The following ZNF365 variants were observed in gnomAD, a reference collection of about 807,000 sequenced individuals.
ZNF365 encodes the protein protein ZNF365.
Under a neutral mutation model 35.0 loss-of-function variants are expected in ZNF365, and 22 were observed. The observed-to-expected ratio is 0.63, with a 90% CI of 0.45 to 0.90. The LOEUF is 0.90. ZNF365 is among the 40% of genes least tolerant of loss of function. The probability of loss-of-function intolerance (pLI) is 0.00; values close to 1 mark genes in which losing one functional copy is unlikely to be tolerated. For synonymous variants in ZNF365, 188 were observed against 196.2 expected (o/e 0.96, Z 0.35); for missense variants, 448 against 500.3 (o/e 0.90, Z 1.00).
chr10:62,397,065 G>A (rs1291150891), intron 3 of ZNF365, among the ~76,000 whole-genome samples: 1 of 152,216 alleles, frequency 6.6e-6, no homozygotes, highest in Non-Finnish European at 1.5e-5. Flanking sequence ...TACCAGCCTG[G>A]CGTTTGCCGG....
At chr10:62,384,155 G>C (rs1178712981) in intron 2 of ZNF365, among the ~76,000 whole-genome samples, 3 of 149,692 alleles carry the variant, frequency 2.0e-5, no homozygotes. Flanking sequence ...GGGGCCGGAA[G>C]TGGCTTAGAA....
At chr10:62,448,554 T>C (rs1471385368) in intron 3 of ZNF365, among the ~76,000 whole-genome samples, 1 of 152,208 alleles carries the variant, frequency 6.6e-6, no homozygotes, top group Non-Finnish European at 1.5e-5. Context: ...TTGGAGTGTT[T>C]TTTTACTTGC....
intron 3 of ZNF365, among the ~76,000 whole-genome samples, chr10:62,442,045 C>T (rs777004416): frequency 4.6e-5 from 7 of 152,162 alleles, no homozygotes; most frequent in Non-Finnish European, 1.0e-4. Flanking sequence ...GCTTAGCAAA[C>T]GTGATCCCCA....
intron 3 of ZNF365, among the ~76,000 whole-genome samples, chr10:62,450,891 TAA>T (rs1347748837): frequency 1.3e-5 from 2 of 152,214 alleles, no homozygotes; most frequent in African/African-American, 4.8e-5. Context: ...TCCCCTGACA[TAA>T]AGTTTATTTT....
At chr10:62,443,875 A>G (rs1564591831) in intron 3 of ZNF365, among the ~76,000 whole-genome samples, 1 of 152,166 alleles carries the variant, frequency 6.6e-6, no homozygotes. Flanking sequence ...AAATTAAGCC[A>G]GGCCTCTCCA....
chr10:62,472,145 G>C (rs77175243), intron 4 of ZNF365, among the ~76,000 whole-genome samples: 1 of 152,200 alleles, frequency 6.6e-6, no homozygotes. Flanking sequence ...CGTTTTCCAA[G>C]TGGTGCCCTT....
chr10:62,430,799 C>T (rs191740163), intron 3 of ZNF365, among the ~76,000 whole-genome samples: 265 of 152,240 alleles, frequency 1.7e-3, no homozygotes, highest in Admixed American at 9.2e-3. Flanking sequence ...GGTGGAATTT[C>T]TTTCGTTATT....
chr10:62,466,714 A>G (rs900080423), intron 4 of ZNF365, among the ~76,000 whole-genome samples: 4 of 151,362 alleles, frequency 2.6e-5, no homozygotes, highest in African/African-American at 9.7e-5. Context: ...TTTTTTCTTA[A>G]TCACCAACAT....
intron 3 of ZNF365, among the ~76,000 whole-genome samples, chr10:62,451,678 C>G (rs975732715): frequency 5.9e-5 from 9 of 152,200 alleles, no homozygotes; most frequent in African/African-American, 2.2e-4. Flanking sequence ...CTACAGTTCA[C>G]TAGTGGTTAC....
At chr10:62,472,930 G>T (rs1399095803) in intron 4 of ZNF365, among the ~76,000 whole-genome samples, 3 of 152,146 alleles carry the variant, frequency 2.0e-5, no homozygotes, top group Non-Finnish European at 4.4e-5. Context: ...TCCTCAGCTG[G>T]TTGCCTAGTG....
At chr10:62,447,388 C>G (rs756810082) in intron 3 of ZNF365, among the ~76,000 whole-genome samples, 13 of 152,132 alleles carry the variant, frequency 8.5e-5, no homozygotes, top group African/African-American at 1.4e-4. Context: ...ACTCTTAAAC[C>G]AGGATCTAGC....
intron 3 of ZNF365, among the ~76,000 whole-genome samples, chr10:62,443,734 C>T (rs552885504): frequency 6.6e-6 from 1 of 152,260 alleles, no homozygotes; most frequent in South Asian, 2.1e-4. Flanking sequence ...AACTTCTGTG[C>T]TCAGAACCCC....
intron 4 of ZNF365, among the ~76,000 whole-genome samples, chr10:62,477,273 A>T (rs1317308519): frequency 2.0e-5 from 3 of 152,202 alleles, no homozygotes; most frequent in African/African-American, 7.2e-5. Flanking sequence ...ATGAAAAGAG[A>T]CTGACATCTT....
intron 3 of ZNF365, among the ~76,000 whole-genome samples, chr10:62,428,838 G>A (rs1317222477): frequency 1.3e-5 from 2 of 152,204 alleles, no homozygotes; most frequent in Non-Finnish European, 2.9e-5. Context: ...CCAGTGGTAT[G>A]CTAGTAAATA....
At chr10:62,397,239 GA>G in intron 3 of ZNF365, among the ~76,000 whole-genome samples, 1 of 151,290 alleles carries the variant, frequency 6.6e-6, no homozygotes. Flanking sequence ...CAGAACACAA[GA>G]ATCCTATCTT....
In ZNF365 at chr10:62,401,992, A is replaced by G. The variant is rs1839838079; in HGVS notation, c.*2203A>G. 1.0e-6 allele frequency: 1 copy of G among 985,480 alleles called. No individual in the cohort carries two copies. The highest frequency in any genetic ancestry group is 6.1e-5 in the Admixed American group (1 of 16,272). 61.0% of individuals were successfully genotyped at this position (985,480 alleles called of 1,614,324 possible). On this transcript the variant is annotated 3_prime_UTR_variant, in exon 5 of 5. Transcript: ENST00000395254. ...TTATGTATGTTGTGCCTCCTTAGAG[A>G]CATAAATTTAGTGTCAAAACATGGG...
intron 2 of ZNF365, among the ~76,000 whole-genome samples, chr10:62,381,387 G>A (rs749132836): frequency 6.6e-6 from 1 of 152,154 alleles, no homozygotes; most frequent in African/African-American, 2.4e-5. Flanking sequence ...CAAGGATAGA[G>A]ATTTAGTAGC....
At chr10:62,479,963 G>A in exon 5 of ZNF365, 1 of 1,605,930 alleles carries the variant, frequency 6.2e-7, no homozygotes, top group South Asian at 1.1e-5. Flanking sequence ...AATTGTGCCA[G>A]AGAAGCTTTC....
chr10:62,442,559 G>A (rs1201823437), intron 3 of ZNF365, among the ~76,000 whole-genome samples: 2 of 152,178 alleles, frequency 1.3e-5, no homozygotes, highest in African/African-American at 2.4e-5. Context: ...GTTACCTTTA[G>A]AAGTTTGGAG....
Sources: allele counts gnomAD v4.1 joint callset (sites outside exome capture counted in the v4.1 genomes callset), GRCh38; gene constraint gnomAD v4.1.1; transcripts MANE v1.5; gene names NCBI Gene and HGNC (gene_info 2026-07-23, HGNC 2026-07-21).